Variants in ROBO2 observed in about 807,000 individuals in gnomAD.
ROBO2 encodes the protein roundabout homolog 2.
Under a neutral mutation model 160.8 loss-of-function variants are expected in ROBO2, and 53 were observed. That is an observed-to-expected ratio of 0.33 (90% CI 0.26 to 0.41). The LOEUF (loss-of-function observed/expected upper bound fraction) is 0.41. ROBO2 is among the 10% of genes least tolerant of loss of function. The pLI, the probability that ROBO2 is intolerant of heterozygous loss-of-function variation, is 1.00. For missense variants in ROBO2, 1,577 were observed against 1,722.4 expected (o/e 0.92, Z 1.49); for synonymous variants, 664 against 611.7 (o/e 1.09, Z -1.26).
At chr3:76,151,544 A>G (rs551848956) in intron 2 of ROBO2, among the ~76,000 whole-genome samples, 2 of 152,096 alleles carry the variant, frequency 1.3e-5, no homozygotes, top group Non-Finnish European at 2.9e-5. Flanking sequence ...AAACATATCA[A>G]TTTCCTGAGC....
chr3:77,159,330 T>C (rs1220456197), intron 2 of ROBO2, among the ~76,000 whole-genome samples: 1 of 152,184 alleles, frequency 6.6e-6, no homozygotes, highest in Non-Finnish European at 1.5e-5. Flanking sequence ...CAGGAGGTAA[T>C]GTGTGCAATC....
intron 6 of ROBO2, among the ~76,000 whole-genome samples, chr3:77,528,420 C>T (rs1436503805): frequency 6.7e-6 from 1 of 149,184 alleles, no homozygotes; most frequent in Non-Finnish European, 1.5e-5. Flanking sequence ...GGTTCAGACT[C>T]ACACATTTTT....
intron 2 of ROBO2, among the ~76,000 whole-genome samples, chr3:76,233,727 T>C (rs893683642): frequency 6.6e-6 from 1 of 152,254 alleles, no homozygotes; most frequent in African/African-American, 2.4e-5. Context: ...TATTTCAATT[T>C]GATGTCTTGT....
intron 2 of ROBO2, among the ~76,000 whole-genome samples, chr3:76,995,016 G>C (rs1340978806): frequency 1.3e-5 from 2 of 151,726 alleles, no homozygotes; most frequent in Admixed American, 1.3e-4. Flanking sequence ...TTGTTACATA[G>C]GTATACATGT....
At chr3:77,587,251 G>A (rs2094075372) in intron 16 of ROBO2, among the ~76,000 whole-genome samples, 1 of 152,108 alleles carries the variant, frequency 6.6e-6, no homozygotes, top group South Asian at 2.1e-4. Flanking sequence ...AGTCAAGGCA[G>A]TGTTACGGAT....
chr3:76,586,221 T>C (rs967517316), intron 2 of ROBO2, among the ~76,000 whole-genome samples: 3 of 152,248 alleles, frequency 2.0e-5, no homozygotes, highest in Non-Finnish European at 4.4e-5. Flanking sequence ...GCTATGTTTA[T>C]AGCAATAGGT....
At chr3:75,954,366 A>G (rs912878349) in intron 2 of ROBO2, among the ~76,000 whole-genome samples, 4 of 151,874 alleles carry the variant, frequency 2.6e-5, no homozygotes, top group Non-Finnish European at 5.9e-5. Flanking sequence ...GAATGTCTGT[A>G]TCTTCATTAT....
At chr3:76,079,998 A>C (rs892611909) in intron 2 of ROBO2, among the ~76,000 whole-genome samples, 3 of 152,214 alleles carry the variant, frequency 2.0e-5, no homozygotes, top group African/African-American at 4.8e-5. Context: ...CATAAGAATG[A>C]GATAACATAA....
intron 2 of ROBO2, among the ~76,000 whole-genome samples, chr3:76,129,367 A>C (rs1371885409): frequency 1.3e-5 from 2 of 152,178 alleles, no homozygotes; most frequent in East Asian, 3.8e-4. Flanking sequence ...TTCATACTCA[A>C]AATAAATGTG....
chr3:76,250,897 G>A (rs1430660828), intron 2 of ROBO2, among the ~76,000 whole-genome samples: 1 of 151,872 alleles, frequency 6.6e-6, no homozygotes, highest in African/African-American at 2.4e-5. Context: ...TTGACTCCAG[G>A]GGTAAAAAGT....
chr3:76,255,976 A>G (rs976993346), intron 2 of ROBO2, among the ~76,000 whole-genome samples: 2 of 152,072 alleles, frequency 1.3e-5, no homozygotes, highest in African/African-American at 2.4e-5. Flanking sequence ...TATTTGTATC[A>G]TATGGTATGA....
At chr3:76,969,900 A>G (rs1487266001) in intron 2 of ROBO2, among the ~76,000 whole-genome samples, 2 of 152,098 alleles carry the variant, frequency 1.3e-5, no homozygotes, top group Non-Finnish European at 2.9e-5. Flanking sequence ...TTTCTTTGAA[A>G]ATCGTTATAT....
At chr3:77,341,004 G>A (rs1398497392) in intron 2 of ROBO2, among the ~76,000 whole-genome samples, 1 of 151,986 alleles carries the variant, frequency 6.6e-6, no homozygotes, top group Non-Finnish European at 1.5e-5. Flanking sequence ...TTTAATGGCT[G>A]ACAAAAAATC....
chr3:77,053,222 A>G (rs1393144397), intron 1 of ROBO2, among the ~76,000 whole-genome samples: 1 of 152,216 alleles, frequency 6.6e-6, no homozygotes, highest in Non-Finnish European at 1.5e-5. Context: ...GCTTTGCCAT[A>G]CTGTTTTTCA....
At chr3:77,373,522 G>T (rs571491113) in intron 2 of ROBO2, among the ~76,000 whole-genome samples, 2 of 151,838 alleles carry the variant, frequency 1.3e-5, no homozygotes, top group African/African-American at 4.8e-5. Flanking sequence ...TCCATGGTAG[G>T]TCTTCCTAGA....
At chr3:76,756,610 C>T (rs975423829) in intron 2 of ROBO2, among the ~76,000 whole-genome samples, 1 of 151,868 alleles carries the variant, frequency 6.6e-6, no homozygotes, top group African/African-American at 2.4e-5. Context: ...ACATGGTTTC[C>T]ATAAACCAGA....
At chr3:76,439,640 G>A (rs534688791) in intron 2 of ROBO2, among the ~76,000 whole-genome samples, 60 of 152,266 alleles carry the variant, frequency 3.9e-4, no homozygotes, top group African/African-American at 1.4e-3. Flanking sequence ...TACTCAATGA[G>A]GGCAAGTGCC....
intron 2 of ROBO2, among the ~76,000 whole-genome samples, chr3:76,704,604 CT>C (rs2093120056): frequency 6.6e-6 from 1 of 152,114 alleles, no homozygotes; most frequent in African/African-American, 2.4e-5. Flanking sequence ...TTATGCCTTC[CT>C]TTACTTCCTT....
chr3:77,230,472 A>G (rs1226250617), intron 2 of ROBO2, among the ~76,000 whole-genome samples: 4 of 152,228 alleles, frequency 2.6e-5, no homozygotes. Flanking sequence ...ATTTATTTGA[A>G]GCTGAAAGTG....
Sources: allele counts gnomAD v4.1 joint callset (sites outside exome capture counted in the v4.1 genomes callset), GRCh38; gene constraint gnomAD v4.1.1; transcripts MANE v1.5; gene names NCBI Gene and HGNC (gene_info 2026-07-23, HGNC 2026-07-21).